EPHA5: variants seen among roughly 807,000 people sequenced by gnomAD.
The protein encoded by EPHA5 is ephrin type-A receptor 5.
A neutral mutation model predicts 105.0 loss-of-function variants in EPHA5; 60 were observed. That is an observed-to-expected ratio of 0.57 (90% confidence interval 0.46 to 0.71). The LOEUF is 0.71. EPHA5 is among the 30% of genes least tolerant of loss of function. The probability of loss-of-function intolerance (pLI) is 0.00; values close to 1 mark genes in which losing one functional copy is unlikely to be tolerated. For synonymous variants in EPHA5, 513 were observed against 449.1 expected (o/e 1.14, Z -1.80); for missense variants, 1,218 against 1,274.7 (o/e 0.96, Z 0.68).
intron 1 of EPHA5, among the ~76,000 whole-genome samples, chr4:65,657,014 T>C (rs1749137622): frequency 6.6e-6 from 1 of 151,882 alleles, no homozygotes; most frequent in South Asian, 2.1e-4. Flanking sequence ...GACCAAACTG[T>C]ATTTAAAAAG....
intron 6 of EPHA5, among the ~76,000 whole-genome samples, chr4:65,414,826 A>T (rs1228169604): frequency 1.3e-5 from 2 of 152,158 alleles, no homozygotes; most frequent in Non-Finnish European, 2.9e-5. Flanking sequence ...CATACTGCCT[A>T]TTCATACAGA....
At chr4:65,406,418 T>C (rs1357099821) in intron 7 of EPHA5, among the ~76,000 whole-genome samples, 1 of 152,122 alleles carries the variant, frequency 6.6e-6, no homozygotes, top group East Asian at 1.9e-4. Context: ...CTTGAAACTC[T>C]CCTCCTCTTG....
intron 1 of EPHA5, among the ~76,000 whole-genome samples, chr4:65,667,563 T>G (rs1750065107): frequency 6.6e-6 from 1 of 152,096 alleles, no homozygotes; most frequent in Non-Finnish European, 1.5e-5. Context: ...CTGTGGGTGT[T>G]AAATCTGTAA....
intron 11 of EPHA5, among the ~76,000 whole-genome samples, chr4:65,364,780 T>C (rs1395782542): frequency 1.3e-5 from 2 of 151,638 alleles, no homozygotes; most frequent in African/African-American, 4.8e-5. Flanking sequence ...CTGGATACAT[T>C]TTTGTCTGAC....
rs535481314 is a variant in EPHA5 at position 65,602,348 on chromosome 4, G to T, written c.247-44C>A. 12 of 1,444,186 alleles carry T rather than the reference G, an allele frequency of 8.3e-6. No homozygotes were observed. In the East Asian group the frequency reaches 2.8e-4, roughly 34 times the overall value. The allele number at this position is 1,444,186 out of a possible 1,614,324, so 89.5% of individuals were successfully genotyped here. A position where few individuals can be genotyped will look rare whatever the true frequency, so the allele number is the denominator to read the frequency against. On this transcript the variant is annotated intron_variant, in intron 2 of 16. Coordinates refer to ENST00000613740, the MANE Select transcript of EPHA5 (RefSeq NM_001281766.3). ...AAAGATAAAAAAAATTCAAAAAATA[G>T]AAAATAACAAGGAACTATAGCAAAA... is the stretch of plus-strand genomic sequence containing the variant.
chr4:65,335,315 A>G (rs1721067888), intron 15 of EPHA5, among the ~76,000 whole-genome samples: 1 of 152,042 alleles, frequency 6.6e-6, no homozygotes, highest in South Asian at 2.1e-4. Context: ...CATTATTTAA[A>G]TGCATTCATG....
chr4:65,584,399 C>A (rs1043943831), intron 3 of EPHA5, among the ~76,000 whole-genome samples: 2 of 151,740 alleles, frequency 1.3e-5, no homozygotes, highest in Admixed American at 6.6e-5. Flanking sequence ...TTTCAAATTT[C>A]TTTTCCAAAA....
intron 8 of EPHA5, among the ~76,000 whole-genome samples, chr4:65,399,822 A>G (rs1025559899): frequency 6.9e-6 from 1 of 144,318 alleles, no homozygotes; most frequent in African/African-American, 2.6e-5. Flanking sequence ...ACATAGTATT[A>G]AAAAATATTC....
intron 5 of EPHA5, among the ~76,000 whole-genome samples, chr4:65,475,063 C>G (rs368114520): frequency 6.6e-6 from 1 of 152,016 alleles, no homozygotes; most frequent in Non-Finnish European, 1.5e-5. Flanking sequence ...AAAAAGATAG[C>G]GTAAACAAGT....
At chr4:65,615,296 C>G (rs1745133378) in intron 2 of EPHA5, among the ~76,000 whole-genome samples, 1 of 151,606 alleles carries the variant, frequency 6.6e-6, no homozygotes, top group Non-Finnish European at 1.5e-5. Flanking sequence ...GGTAGAAATA[C>G]AAAATGCCTG....
intron 5 of EPHA5, among the ~76,000 whole-genome samples, chr4:65,422,467 G>T (rs34304773): frequency 0.13 from 19,325 of 152,070 alleles, 1,679 homozygotes; most frequent in East Asian, 0.31. Flanking sequence ...AACCTTTTAA[G>T]TCTGGTATCA....
intron 14 of EPHA5, among the ~76,000 whole-genome samples, chr4:65,344,934 T>C (rs1300825651): frequency 6.6e-6 from 1 of 152,200 alleles, no homozygotes; most frequent in Non-Finnish European, 1.5e-5. Context: ...TTGGAGACAG[T>C]GTGATGCTTA....
At chr4:65,555,977 T>A (rs1738398407) in intron 3 of EPHA5, among the ~76,000 whole-genome samples, 1 of 152,182 alleles carries the variant, frequency 6.6e-6, no homozygotes, top group Non-Finnish European at 1.5e-5. Context: ...TCCCAAATAG[T>A]AGCCTTTCTT....
At position 65,323,574 on chromosome 4, in the gene EPHA5, C is replaced by G. The variant is rs529443929; in HGVS notation, c.*540G>C. On this transcript the variant is annotated 3_prime_UTR_variant, in exon 17 of 17. Coordinates refer to ENST00000613740, the MANE Select transcript of EPHA5 (RefSeq NM_001281766.3). The stretch of plus-strand genomic sequence containing the variant: ...CATGTTTACACACTAGTTTCTATAA[C>G]TTAACGCTGTGTAACAGCATTTTAA... 1 of 230,254 alleles carries G rather than the reference C, an allele frequency of 4.3e-6. No homozygotes were observed. The highest frequency in any genetic ancestry group is 5.7e-5 in the Admixed American group (1 of 17,622). The allele number at this position is 230,254 out of a possible 1,614,324, so 14.3% of individuals were successfully genotyped here.
chr4:65,602,413 A>T (rs1007859073), intron 2 of EPHA5, 109 bp from the exon 3 acceptor site: 1 of 801,994 alleles, frequency 1.2e-6, no homozygotes, highest in African/African-American at 1.7e-5. Context: ...AAATATTCGT[A>T]TCCTCAATAT....
intron 6 of EPHA5, 100 bp downstream of exon 6, chr4:65,420,341 A>G (rs1402965434): frequency 1.7e-6 from 2 of 1,157,328 alleles, no homozygotes. Flanking sequence ...ATTGATTTAC[A>G]CATAAAATTG....
intron 3 of EPHA5, among the ~76,000 whole-genome samples, chr4:65,578,497 A>T (rs1425771628): frequency 6.6e-6 from 1 of 152,170 alleles, no homozygotes; most frequent in African/African-American, 2.4e-5. Context: ...CTCCAACTGC[A>T]CATGCTCTAA....
At chr4:65,372,576 A>G (rs1415161115) in intron 8 of EPHA5, among the ~76,000 whole-genome samples, 1 of 151,872 alleles carries the variant, frequency 6.6e-6, no homozygotes, top group Non-Finnish European at 1.5e-5. Context: ...CTTACTAAAT[A>G]TTTTCAGATA....
intron 8 of EPHA5, among the ~76,000 whole-genome samples, chr4:65,383,164 T>C (rs1056304445): frequency 2.7e-5 from 4 of 150,378 alleles, no homozygotes; most frequent in Non-Finnish European, 5.9e-5. Context: ...ATGATGTATA[T>C]ATATCATATA....
Sources: allele counts gnomAD v4.1 joint callset (sites outside exome capture counted in the v4.1 genomes callset), GRCh38; gene constraint gnomAD v4.1.1; transcripts MANE v1.5; gene names NCBI Gene and HGNC (gene_info 2026-07-23, HGNC 2026-07-21).